RFX7: variants seen among roughly 807,000 people sequenced by gnomAD.
The protein encoded by RFX7 is regulatory factor X7.
Under a neutral mutation model 111.8 loss-of-function variants are expected in RFX7, and 26 were observed. That is an observed-to-expected ratio of 0.23 (90% CI 0.17 to 0.32). The LOEUF (loss-of-function observed/expected upper bound fraction) is 0.32, where lower values mean the gene tolerates loss of function less well. Among genes scored for constraint, RFX7 ranks in the 10% least tolerant of loss-of-function variants. The probability of loss-of-function intolerance (pLI) is 1.00; values close to 1 mark genes in which losing one functional copy is unlikely to be tolerated. For synonymous variants in RFX7, 624 were observed against 624.4 expected, an observed-to-expected ratio of 1.00 and a Z score of 0.01; for missense variants, 1,573 against 1,772.9, an observed-to-expected ratio of 0.89 and a Z score of 2.02.
At chr15:56,099,878 A>G in intron 8 of RFX7, among the ~76,000 whole-genome samples, 1 of 152,194 alleles carries the variant, frequency 6.6e-6, no homozygotes, top group East Asian at 1.9e-4. Flanking sequence ...TAGACCTTAA[A>G]AATTCATTCA....
Position 56,243,297 on chromosome 15 carries a change from G to T in RFX7, c.-2-10C>A. 1 of 1,168,818 alleles carries T rather than the reference G, an allele frequency of 8.6e-7. No individual in the cohort carries two copies. The highest frequency in any genetic ancestry group is 1.1e-6 in the Non-Finnish European group (1 of 908,538). 72.4% of individuals were successfully genotyped at this position (1,168,818 alleles called of 1,614,324 possible). ...TGTTCCTCTGCCATCGCTGCAGAGG[G>T]GTGGGAGGGAGGGAGGGAAAGATGG... is the stretch of plus-strand genomic sequence containing the variant. On this transcript the variant is annotated splice_polypyrimidine_tract_variant and intron_variant, in intron 1 of 9. Coordinates refer to ENST00000559447, the MANE Select transcript of RFX7 (RefSeq NM_022841.7).
intron 3 of RFX7, among the ~76,000 whole-genome samples, chr15:56,159,610 A>C (rs2042697207): frequency 6.6e-6 from 1 of 152,246 alleles, no homozygotes; most frequent in Non-Finnish European, 1.5e-5. Context: ...GTTCAGAAAT[A>C]ACTTTCTCCA....
intron 2 of RFX7, among the ~76,000 whole-genome samples, chr15:56,187,209 G>A (rs1004172535): frequency 1.1e-4 from 17 of 148,364 alleles, no homozygotes; most frequent in African/African-American, 4.3e-4. Context: ...TGTACTGGTA[G>A]AATTTTTTTT....
At chr15:56,165,626 G>T (rs12911427) in intron 3 of RFX7, among the ~76,000 whole-genome samples, 53,603 of 151,996 alleles carry the variant, frequency 0.35, 9,636 homozygotes, top group East Asian at 0.4. Flanking sequence ...TTCCATTTTT[G>T]ACCAGGTGAG....
chr15:56,097,803 A>C (rs1343715611), intron 9 of RFX7, among the ~76,000 whole-genome samples: 1 of 151,548 alleles, frequency 6.6e-6, no homozygotes, highest in East Asian at 1.9e-4. Flanking sequence ...AACAACTCTA[A>C]AAATGAGAAA....
chr15:56,087,448 G>A lies in RFX7; in HGVS notation c.*5897C>T, dbSNP rs1566998540. ...GTGTCTTTAACATGAAGTCCAGGAG[G>A]GCTGCTTGAGTTCTAGCCATCACAT... On this transcript the variant is annotated 3_prime_UTR_variant, in exon 10 of 10. Transcript: ENST00000559447. 1 of 456,634 alleles carries A rather than the reference G, an allele frequency of 2.2e-6. No individual in the cohort carries two copies. The highest frequency in any genetic ancestry group is 6.9e-5 in the East Asian group (1 of 14,392). The allele number at this position is 456,634 out of a possible 1,614,324, so 28.3% of individuals were successfully genotyped here. A position where few individuals can be genotyped will look rare whatever the true frequency, so the allele number is the denominator to read the frequency against.
In RFX7 at chr15:56,094,843, G is replaced by A. The variant is rs2041649012; in HGVS notation, c.2885C>T (p.Pro962Leu). The change falls in exon 10 of 10, where the codon CCA (proline) becomes CTA (leucine). Residue 962 changes from proline (P) to leucine (L), a missense_variant. Transcript: ENST00000559447. ...PTPTPTPTPT[P>L]TPTSEMIAGS... ...AGCAATCATTTCAGATGTCGGGGTT[G>A]GGGTTGGGGTTGGAGTAGGAGTGGG... 1 of 1,555,600 alleles carries A rather than the reference G, an allele frequency of 6.4e-7. No individual in the cohort carries two copies. The highest frequency in any genetic ancestry group is 1.2e-5 in the South Asian group (1 of 82,204).
At chr15:56,178,166 TACAC>T (rs140828561) in intron 3 of RFX7, among the ~76,000 whole-genome samples, 33,683 of 118,484 alleles carry the variant, frequency 0.28, 5,075 homozygotes, top group Middle Eastern at 0.43. Flanking sequence ...ACCAAAAAAC[TACAC>T]ACACACACAC....
chr15:56,137,884 T>C (rs1290019330), intron 5 of RFX7, among the ~76,000 whole-genome samples: 3 of 151,984 alleles, frequency 2.0e-5, no homozygotes, highest in African/African-American at 4.8e-5. Context: ...CCAGTAGTCA[T>C]TCAGGAGCAG....
At chr15:56,234,758 T>C (rs1596028205) in intron 2 of RFX7, among the ~76,000 whole-genome samples, 1 of 152,230 alleles carries the variant, frequency 6.6e-6, no homozygotes, top group Non-Finnish European at 1.5e-5. Flanking sequence ...TTTACTGTCA[T>C]ATTGTAGACT....
intron 2 of RFX7, among the ~76,000 whole-genome samples, chr15:56,233,709 A>G (rs1428274844): frequency 2.0e-5 from 3 of 152,208 alleles, no homozygotes; most frequent in Non-Finnish European, 4.4e-5. Flanking sequence ...TGAGGTGGCA[A>G]GGTACTAAGG....
chr15:56,184,360 C>A (rs1248511870), intron 2 of RFX7, among the ~76,000 whole-genome samples: 1 of 151,750 alleles, frequency 6.6e-6, no homozygotes, highest in African/African-American at 2.4e-5. Flanking sequence ...TATGTAGATT[C>A]TCTTGTAGAT....
intron 5 of RFX7, among the ~76,000 whole-genome samples, chr15:56,117,010 G>C (rs2042017580): frequency 1.3e-5 from 2 of 152,200 alleles, no homozygotes; most frequent in African/African-American, 2.4e-5. Flanking sequence ...CCCTTGATGA[G>C]AGAGGTGCTG....
chr15:56,136,546 A>G (rs1400516420), intron 5 of RFX7, among the ~76,000 whole-genome samples: 20 of 144,506 alleles, frequency 1.4e-4, no homozygotes, highest in African/African-American at 4.9e-4. Context: ...TAGATATACA[A>G]TCATGTCGTC....
chr15:56,109,101 AG>A (rs1305314504), intron 5 of RFX7, among the ~76,000 whole-genome samples: 1 of 152,088 alleles, frequency 6.6e-6, no homozygotes, highest in Non-Finnish European at 1.5e-5. Context: ...GCCGAGCCGA[AG>A]CTGGACTGTA....
At chr15:56,148,706 C>A (rs183545988) in intron 3 of RFX7, among the ~76,000 whole-genome samples, 1 of 152,142 alleles carries the variant, frequency 6.6e-6, no homozygotes, top group East Asian at 1.9e-4. Flanking sequence ...TTTCTCAGTC[C>A]ACTTTGCAGT....
At chr15:56,235,175 T>C (rs1232435711) in intron 2 of RFX7, among the ~76,000 whole-genome samples, 6 of 146,734 alleles carry the variant, frequency 4.1e-5, no homozygotes, top group Admixed American at 4.0e-4. Context: ...TGTTCTCGTT[T>C]GTTGTTTTTT....
intron 2 of RFX7, among the ~76,000 whole-genome samples, chr15:56,200,954 C>T (rs2043187802): frequency 6.6e-6 from 1 of 150,858 alleles, no homozygotes; most frequent in Non-Finnish European, 1.5e-5. Context: ...AACTGAAAAG[C>T]ATTAAACCAG....
chr15:56,205,077 C>G (rs1170670117), intron 2 of RFX7, among the ~76,000 whole-genome samples: 1 of 152,128 alleles, frequency 6.6e-6, no homozygotes, highest in African/African-American at 2.4e-5. Context: ...GAGAGCATTT[C>G]AAAAATTTAA....
Sources: allele counts gnomAD v4.1 joint callset (sites outside exome capture counted in the v4.1 genomes callset), GRCh38; gene constraint gnomAD v4.1.1; transcripts MANE v1.5; gene names NCBI Gene and HGNC (gene_info 2026-07-23, HGNC 2026-07-21).